The following SIL1 variants were observed in gnomAD, a reference collection of about 807,000 sequenced individuals.
SIL1 encodes the protein SIL1 nucleotide exchange factor.
SIL1 carries 40 observed loss-of-function variants against 49.1 expected under a neutral mutation model. The observed-to-expected ratio is 0.81, with a 90% confidence interval of 0.63 to 1.06. The LOEUF is 1.06. SIL1 is among the 50% of genes least tolerant of loss of function. The pLI is 0.00. For missense variants in SIL1, 500 were observed against 572.6 expected (o/e 0.87, Z 1.29); for synonymous variants, 253 against 250.8 (o/e 1.01, Z -0.08).
At chr5:139,108,115 T>C (rs185442431) in intron 3 of SIL1, 4 of 152,360 alleles carry the variant, frequency 2.6e-5, no homozygotes, top group Admixed American at 6.5e-5. Context: ...AAGGGCATTA[T>C]AGGCTTTATC....
At chr5:139,023,719 C>T (rs1339739232) in intron 6 of SIL1, among the ~76,000 whole-genome samples, 1 of 152,218 alleles carries the variant, frequency 6.6e-6, no homozygotes, top group African/African-American at 2.4e-5. Flanking sequence ...AAGTTCCTGG[C>T]TAGGAAAGTG....
chr5:139,161,362 G>A (rs1183865192), intron 1 of SIL1, among the ~76,000 whole-genome samples: 1 of 152,230 alleles, frequency 6.6e-6, no homozygotes, highest in Non-Finnish European at 1.5e-5. Flanking sequence ...GAGCCGTATA[G>A]TGAAGAGTAG....
At chr5:138,981,136 C>G (rs1465397954) in intron 7 of SIL1, among the ~76,000 whole-genome samples, 2 of 151,264 alleles carry the variant, frequency 1.3e-5, no homozygotes, top group Non-Finnish European at 2.9e-5. Context: ...TCGCTTGAAC[C>G]CAGGTGGCGG....
intron 1 of SIL1, among the ~76,000 whole-genome samples, chr5:139,153,543 C>T (rs930288940): frequency 6.6e-6 from 1 of 152,162 alleles, no homozygotes; most frequent in Non-Finnish European, 1.5e-5. Flanking sequence ...CTGGTTCACC[C>T]CCTAAGCCAG....
chr5:139,034,511 T>C (rs1406434316), intron 5 of SIL1: 3 of 152,182 alleles, frequency 2.0e-5, no homozygotes, highest in African/African-American at 7.2e-5. Context: ...TAGTTTTTAA[T>C]AATGATTGTT....
chr5:139,109,597 C>T (rs1007243694), intron 3 of SIL1, among the ~76,000 whole-genome samples: 1 of 151,450 alleles, frequency 6.6e-6, no homozygotes, highest in African/African-American at 2.4e-5. Context: ...TACCAATGGA[C>T]CATGGGCTCC....
At chr5:139,167,129 G>A (rs1245685744) in intron 1 of SIL1, among the ~76,000 whole-genome samples, 1 of 151,810 alleles carries the variant, frequency 6.6e-6, no homozygotes, top group South Asian at 2.1e-4. Flanking sequence ...TGTATTTTTA[G>A]TAGAGACTAC....
intron 3 of SIL1, among the ~76,000 whole-genome samples, chr5:139,058,234 T>C (rs1769500907): frequency 6.6e-6 from 1 of 152,002 alleles, no homozygotes; most frequent in African/African-American, 2.4e-5. Context: ...AAACCGTAGA[T>C]TAATGGCTGT....
chr5:139,132,566 A>T (rs978366637), intron 1 of SIL1, among the ~76,000 whole-genome samples: 1 of 152,094 alleles, frequency 6.6e-6, no homozygotes, highest in African/African-American at 2.4e-5. Context: ...GCAGTGGGAG[A>T]GGGATGGGGA....
chr5:138,951,696 T>C, intron 8 of SIL1, 92 bp downstream of exon 8: 2 of 1,213,000 alleles, frequency 1.6e-6, no homozygotes, highest in East Asian at 2.3e-5. Flanking sequence ...CAGGCCCCCA[T>C]GGTAACATGC....
intron 1 of SIL1, among the ~76,000 whole-genome samples, chr5:139,140,089 G>A (rs188189278): frequency 1.3e-4 from 20 of 152,288 alleles, no homozygotes; most frequent in African/African-American, 4.3e-4. Flanking sequence ...GGCCAACACG[G>A]TGAAACCCCG....
In SIL1 at chr5:139,185,565, A is replaced by T. The variant is rs138739037; in HGVS notation, c.-11+12704T>A. ...TTCCAAGAACTTATGACCGATGTCA[A>T]GTGAGGACTTACTGTATATGCATAT... On this transcript the variant is annotated intron_variant, in intron 1 of 9. Transcript: ENST00000394817. Among the ~76,000 whole-genome samples the T allele has an allele frequency of 7.8e-3, 1,186 of 152,354 alleles. 10 individuals are homozygous for T. The highest frequency in any genetic ancestry group is 0.012 in the Non-Finnish European group (787 of 68,034).
intron 1 of SIL1, among the ~76,000 whole-genome samples, chr5:139,143,330 C>CATATATATATAT (rs1213045532): frequency 1.0e-5 from 1 of 95,898 alleles, no homozygotes; most frequent in African/African-American, 3.8e-5. Flanking sequence ...CACACACACA[C>CATATATATATAT]ACACACACAC....
At chr5:138,950,431 G>T (rs1483378569) in intron 9 of SIL1, among the ~76,000 whole-genome samples, 1 of 152,236 alleles carries the variant, frequency 6.6e-6, no homozygotes, top group Non-Finnish European at 1.5e-5. Context: ...GAGAAGGCCT[G>T]GGGGAGGCGT....
chr5:139,031,549 T>C (rs1313047335), intron 5 of SIL1, among the ~76,000 whole-genome samples: 1 of 152,212 alleles, frequency 6.6e-6, no homozygotes, highest in Non-Finnish European at 1.5e-5. Flanking sequence ...AGGTGGTGTG[T>C]TTTCTTCCAC....
intron 3 of SIL1, among the ~76,000 whole-genome samples, chr5:139,095,460 C>T (rs1770437893): frequency 6.6e-6 from 1 of 152,112 alleles, no homozygotes; most frequent in South Asian, 2.1e-4. Flanking sequence ...TGGGGTTTCA[C>T]CATGTTGGCC....
chr5:139,073,652 T>C (rs990284922), intron 3 of SIL1, among the ~76,000 whole-genome samples: 1 of 152,084 alleles, frequency 6.6e-6, no homozygotes, highest in Non-Finnish European at 1.5e-5. Flanking sequence ...TAGTTAATAA[T>C]ATATTGTGGC....
At chr5:139,014,984 T>C (rs1285397852) in intron 7 of SIL1, among the ~76,000 whole-genome samples, 1 of 152,210 alleles carries the variant, frequency 6.6e-6, no homozygotes, top group Non-Finnish European at 1.5e-5. Flanking sequence ...TATACACTCA[T>C]TTCCATGGCC....
intron 1 of SIL1, among the ~76,000 whole-genome samples, chr5:139,163,902 T>C (rs1191305896): frequency 6.6e-6 from 1 of 152,020 alleles, no homozygotes; most frequent in Admixed American, 6.5e-5. Flanking sequence ...GCAGATCACT[T>C]GAGGCCAAGA....
Sources: gnomAD v4.1 joint callset for allele counts (sites outside exome capture counted in the v4.1 genomes callset) on GRCh38, gnomAD v4.1.1 for gene constraint, MANE v1.5 for transcripts, NCBI Gene and HGNC (gene_info 2026-07-23, HGNC 2026-07-21) for gene names.